Variants in CALD1 observed in about 807,000 individuals in gnomAD.
CALD1 encodes the protein caldesmon.
A neutral mutation model predicts 99.9 loss-of-function variants in CALD1; 33 were observed. That is an observed-to-expected ratio of 0.33 (90% CI 0.25 to 0.44). The LOEUF (loss-of-function observed/expected upper bound fraction) is 0.44. CALD1 is among the 20% of genes least tolerant of loss of function. The pLI, the probability that CALD1 is intolerant of heterozygous loss-of-function variation, is 1.00. For synonymous variants in CALD1, 310 were observed against 325.0 expected, an observed-to-expected ratio of 0.95 and a Z score of 0.50; for missense variants, 861 against 962.1, an observed-to-expected ratio of 0.89 and a Z score of 1.39.
chr7:134,740,427 C>A (rs1296237507), upstream of CALD1, among the ~76,000 whole-genome samples: 1 of 151,958 alleles, frequency 6.6e-6, no homozygotes, highest in Non-Finnish European at 1.5e-5. Context: ...TTTTTAGGTC[C>A]AAAAAAGAAT....
intron 1 of CALD1, 98 bp downstream of exon 1, chr7:134,779,847 C>A (rs1797036827): frequency 2.5e-6 from 1 of 395,232 alleles, no homozygotes; most frequent in Non-Finnish European, 4.5e-6. Flanking sequence ...GCTGGAGATG[C>A]AAGAATGTTC....
rs764280432 is a variant in CALD1, at chr7:134,969,000, G to A, written c.*655G>A. 9 of 169,778 alleles carry A rather than the reference G, an allele frequency of 5.3e-5. No homozygotes were observed. The highest frequency in any genetic ancestry group is 2.9e-4 in the East Asian group (2 of 6,944). 10.5% of individuals were successfully genotyped at this position (169,778 alleles called of 1,614,324 possible). ...TTTGTGGATTTCTTTAGTAGTGATAGTAGCCTGAACCACATTTTAGATAAC... is the reference window on the plus strand; with the variant it reads ...TTTGTGGATTTCTTTAGTAGTGATAATAGCCTGAACCACATTTTAGATAAC... On this transcript the variant is annotated 3_prime_UTR_variant, in exon 15 of 15. Transcript: ENST00000361675.
chr7:134,863,037 C>T (rs62479516), intron 2 of CALD1, among the ~76,000 whole-genome samples: 14,841 of 152,096 alleles, frequency 0.098, 808 homozygotes, highest in South Asian at 0.19. Flanking sequence ...ACATTATCTC[C>T]CCTCTGTGTT....
At chr7:134,768,785 C>T (rs1216696593) in intron 1 of CALD1, among the ~76,000 whole-genome samples, 1 of 151,994 alleles carries the variant, frequency 6.6e-6, no homozygotes. Context: ...TGCTTAAGAT[C>T]CTCTTTTATG....
At chr7:134,800,893 GAATA>G (rs1261214727) in intron 1 of CALD1, among the ~76,000 whole-genome samples, 1 of 151,616 alleles carries the variant, frequency 6.6e-6, no homozygotes, top group Non-Finnish European at 1.5e-5. Context: ...AAAGTATAAT[GAATA>G]CACTATTTTC....
chr7:134,910,685 C>G (rs1280756864), intron 3 of CALD1, among the ~76,000 whole-genome samples: 1 of 152,028 alleles, frequency 6.6e-6, no homozygotes, highest in Non-Finnish European at 1.5e-5. Flanking sequence ...TTGAAGCAGG[C>G]CAAAGTCCAC....
At chr7:134,858,908 T>C (rs1420861406) in intron 2 of CALD1, among the ~76,000 whole-genome samples, 2 of 152,192 alleles carry the variant, frequency 1.3e-5, no homozygotes, top group African/African-American at 4.8e-5. Flanking sequence ...CCAGTAGAAC[T>C]TTCTGCAGTG....
At chr7:134,793,452 GCC>G (rs1797621431) in intron 1 of CALD1, among the ~76,000 whole-genome samples, 1 of 151,812 alleles carries the variant, frequency 6.6e-6, no homozygotes. Flanking sequence ...GGTTTCAAGC[GCC>G]CATACATTGT....
chr7:134,739,819 A>C (rs1350530806), upstream of CALD1, among the ~76,000 whole-genome samples: 3 of 151,978 alleles, frequency 2.0e-5, no homozygotes, highest in Admixed American at 6.6e-5. Context: ...TTGTTGAGGC[A>C]GGCAAATATT....
chr7:134,960,449 G>A (rs878926958), intron 12 of CALD1, 84 bp from the exon 13 acceptor site: 1 of 813,478 alleles, frequency 1.2e-6, no homozygotes, highest in South Asian at 1.4e-5. Flanking sequence ...CATACTTAAT[G>A]ATATTTTGAA....
intron 12 of CALD1, 189 bp from the exon 13 acceptor site, chr7:134,960,344 C>T: frequency 1.5e-6 from 1 of 655,740 alleles, no homozygotes; most frequent in South Asian, 2.0e-5. Context: ...GAAATGTCCA[C>T]CCTTGGAGTT....
At chr7:134,891,745 TAAAAAA>T (rs10607357) in intron 3 of CALD1, 2,147 of 426,438 alleles carry the variant, frequency 5.0e-3, no homozygotes, top group African/African-American at 8.3e-3. Context: ...CGAATTGTTG[TAAAAAA>T]AAAAAAAAAA....
At chr7:134,862,097 C>A (rs531136738) in intron 2 of CALD1, among the ~76,000 whole-genome samples, 1 of 152,200 alleles carries the variant, frequency 6.6e-6, no homozygotes, top group Admixed American at 6.5e-5. Flanking sequence ...TGATTTAAAC[C>A]AAACAGGTTG....
chr7:134,824,454 TCTC>T (rs1435610085), intron 1 of CALD1, among the ~76,000 whole-genome samples: 2 of 150,234 alleles, frequency 1.3e-5, no homozygotes, highest in African/African-American at 4.8e-5. Context: ...TCCTCCTTCT[TCTC>T]CTTCTTCTCC....
chr7:134,739,961 A>G (rs1796579668), upstream of CALD1, among the ~76,000 whole-genome samples: 1 of 151,310 alleles, frequency 6.6e-6, no homozygotes, highest in African/African-American at 2.4e-5. Flanking sequence ...TAGATGTAGA[A>G]ATTGATATTC....
intron 1 of CALD1, among the ~76,000 whole-genome samples, chr7:134,786,666 A>C (rs925935703): frequency 2.6e-5 from 4 of 152,204 alleles, no homozygotes; most frequent in African/African-American, 9.6e-5. Context: ...TGTTGAATGA[A>C]ATAACAAACC....
chr7:134,939,461 G>C (rs1806253385), intron 6 of CALD1, among the ~76,000 whole-genome samples: 2 of 152,210 alleles, frequency 1.3e-5, no homozygotes, highest in Admixed American at 1.3e-4. Context: ...CAAAGCTCTT[G>C]CAGAGAATGG....
intron 1 of CALD1, among the ~76,000 whole-genome samples, chr7:134,753,830 A>G (rs1329666622): frequency 2.0e-5 from 3 of 152,104 alleles, no homozygotes; most frequent in African/African-American, 7.2e-5. Flanking sequence ...ATGCCGGCTG[A>G]TCCCTCCCTG....
intron 3 of CALD1, among the ~76,000 whole-genome samples, chr7:134,879,379 A>C (rs560037897): frequency 6.6e-6 from 1 of 152,280 alleles, no homozygotes; most frequent in Non-Finnish European, 1.5e-5. Context: ...ATTCATCAGC[A>C]GTGGAAAATC....
Sources: allele counts gnomAD v4.1 joint callset (sites outside exome capture counted in the v4.1 genomes callset), GRCh38; gene constraint gnomAD v4.1.1; transcripts MANE v1.5; gene names NCBI Gene and HGNC (gene_info 2026-07-23, HGNC 2026-07-21).